TFB2M: variants seen among roughly 807,000 people sequenced by gnomAD.
TFB2M encodes transcription factor B2, mitochondrial.
In TFB2M, 44 loss-of-function variants were observed where a neutral mutation model predicts 41.3. The observed-to-expected ratio is 1.07, with a 90% CI of 0.84 to 1.37. TFB2M has a LOEUF of 1.37. Among genes scored for constraint, TFB2M ranks in the 40% most tolerant of loss-of-function variants. TFB2M has a pLI of 0.00. For missense variants in TFB2M, 496 were observed against 490.2 expected (o/e 1.01, Z -0.11); for synonymous variants, 188 against 176.8 (o/e 1.06, Z -0.50).
intron 7 of TFB2M, 99 bp downstream of exon 7, chr1:246,544,422 C>G (rs1459030047): frequency 9.2e-7 from 1 of 1,087,080 alleles, no homozygotes; most frequent in East Asian, 2.7e-5. Flanking sequence ...AACATGGTAC[C>G]TCACTCTGTC....
chr1:246,546,983 A>ACACAC lies in TFB2M; in HGVS notation c.858+1561_858+1562insGTGTG, dbSNP rs764498048. Reference sequence around the variant, plus strand: ...TGTATATATACACACACACACACACATTTTTTTTTTTTTTTTTTGAGACAA... The same window carrying ACACAC: ...TGTATATATACACACACACACACACACACACTTTTTTTTTTTTTTTTTTGAGACAA... On this transcript the variant is annotated intron_variant, in intron 6 of 7. Coordinates refer to ENST00000366514, the MANE Select transcript of TFB2M (RefSeq NM_022366.3). Among the ~76,000 whole-genome samples the ACACAC allele has an allele frequency of 1.0e-4, 13 of 127,180 alleles. No homozygotes were observed. The South Asian group carries it at 2.7e-3, about 26-fold the overall frequency. 83.4% of individuals were successfully genotyped at this position (127,180 alleles called of 152,430 possible). A position where few individuals can be genotyped will look rare whatever the true frequency, so the allele number is the denominator to read the frequency against.
rs1659668212 is a variant in TFB2M at position 246,566,193 on chromosome 1, A to C, written c.-55T>G. The C allele has an allele frequency of 6.5e-7, 1 of 1,548,148 alleles. No individual in the cohort carries two copies. The highest frequency in any genetic ancestry group is 8.8e-7 in the Non-Finnish European group (1 of 1,138,746). ...TCACCTAGTGCAGCTACTACAGTGA[A>C]CCCCACGCAGGGTATCCCACGTGGA... is the stretch of plus-strand genomic sequence containing the variant. On this transcript the variant is annotated 5_prime_UTR_variant, in exon 1 of 8. Transcript: ENST00000366514.
chr1:246,559,959 C>T (rs1294631769), intron 2 of TFB2M, among the ~76,000 whole-genome samples: 1 of 152,188 alleles, frequency 6.6e-6, no homozygotes, highest in African/African-American at 2.4e-5. Flanking sequence ...CTAATGCATA[C>T]GATTGTCAGT....
intron 4 of TFB2M, among the ~76,000 whole-genome samples, chr1:246,554,514 TGC>T (rs201373352): frequency 6.6e-6 from 1 of 151,958 alleles, no homozygotes; most frequent in Non-Finnish European, 1.5e-5. Context: ...ATCTGGGTTT[TGC>T]AAGGGCCTTA....
intron 2 of TFB2M, 21 bp downstream of exon 2, chr1:246,564,325 G>T (rs753555543): frequency 6.2e-7 from 1 of 1,606,698 alleles, no homozygotes; most frequent in African/African-American, 1.3e-5. Flanking sequence ...AATAACATAC[G>T]TTGAGAAACT....
Position 246,548,622 on chromosome 1 carries a change from CA to C in TFB2M, c.796-16del, listed in dbSNP as rs1267338129. 1 of 1,607,214 alleles carries C rather than the reference CA, an allele frequency of 6.2e-7. No homozygotes were observed. Among genetic ancestry groups the C allele is most frequent in the Non-Finnish European group, 8.5e-7 (1 of 1,177,982 alleles). ...GACCAAGGCTCCTGGGGAAGAAAAA[CA>C]AAGCAAAACAACATCTTTTATTTCT... On this transcript the variant is annotated splice_polypyrimidine_tract_variant and intron_variant, in intron 5 of 7. Coordinates refer to ENST00000366514, the MANE Select transcript of TFB2M (RefSeq NM_022366.3).
At chr1:246,559,890 A>G (rs1030222957) in intron 2 of TFB2M, among the ~76,000 whole-genome samples, 1 of 152,210 alleles carries the variant, frequency 6.6e-6, no homozygotes, top group African/African-American at 2.4e-5. Context: ...TGAGAATACA[A>G]CTAAGGAGGA....
intron 2 of TFB2M, among the ~76,000 whole-genome samples, chr1:246,559,852 G>C (rs1659412288): frequency 6.6e-6 from 1 of 152,202 alleles, no homozygotes. Context: ...TGAAGGTAGA[G>C]TATGTCCAAA....
chr1:246,564,720 C>A (rs949979195), intron 1 of TFB2M, among the ~76,000 whole-genome samples: 1 of 151,424 alleles, frequency 6.6e-6, no homozygotes, highest in Non-Finnish European at 1.5e-5. Flanking sequence ...CACTCTGTCA[C>A]CCAGGCTGGA....
In TFB2M at chr1:246,566,179, A is replaced by C; in HGVS notation, c.-41T>G. On this transcript the variant is annotated 5_prime_UTR_variant, in exon 1 of 8. Transcript: ENST00000366514. ...GCCCGCTCCAAGAATCACCTAGTGCAGCTACTACAGTGAACCCCACGCAGG... is the reference window on the plus strand; with the variant it reads ...GCCCGCTCCAAGAATCACCTAGTGCCGCTACTACAGTGAACCCCACGCAGG... 6.4e-7 allele frequency: 1 copy of C among 1,573,198 alleles called. No homozygotes were observed. Among genetic ancestry groups the C allele is most frequent in the East Asian group, 2.3e-5 (1 of 44,156 alleles).
At chr1:246,555,509 T>A (rs905738876) in intron 4 of TFB2M, among the ~76,000 whole-genome samples, 1 of 151,962 alleles carries the variant, frequency 6.6e-6, no homozygotes, top group African/African-American at 2.4e-5. Context: ...GAGGTCCAGG[T>A]TGCAGAGAGC....
intron 2 of TFB2M, among the ~76,000 whole-genome samples, chr1:246,559,235 T>A (rs777312247): frequency 6.6e-6 from 1 of 152,144 alleles, no homozygotes; most frequent in Non-Finnish European, 1.5e-5. Flanking sequence ...AGGTGTGTGA[T>A]ACCGTGTCCA....
intron 6 of TFB2M, among the ~76,000 whole-genome samples, 155 bp downstream of exon 6, chr1:246,548,390 T>C (rs1659080540): frequency 6.6e-6 from 1 of 152,164 alleles, no homozygotes; most frequent in Admixed American, 6.6e-5. Context: ...CAAAATACTT[T>C]TGATTCATTA....
Position 246,557,382 on chromosome 1 carries a change from T to C in TFB2M, c.555A>G (p.Ala185=). Residue 185 remains alanine (A), a splice_region_variant and synonymous_variant, in exon 3 of 8, where the codon GCA becomes GCG. Coordinates refer to ENST00000366514, the MANE Select transcript of TFB2M (RefSeq NM_022366.3). Reference sequence around the variant, plus strand: ...GCTTTAGTAAATTCCAAAAATGACCTGCTGTCCAAGGAACTGCTTCTATTC... The same window carrying C: ...GCTTTAGTAAATTCCAAAAATGACCCGCTGTCCAAGGAACTGCTTCTATTC... ...NLGIEAVPWT[A]DIPLKVVGMF... is the part of the protein sequence containing the mutation. The C allele has an allele frequency of 1.9e-6, 3 of 1,609,406 alleles. No individual in the cohort carries two copies. Among genetic ancestry groups the C allele is most frequent in the Non-Finnish European group, 2.5e-6 (3 of 1,178,716 alleles).
chr1:246,552,958 A>T (rs1053745317), intron 4 of TFB2M, among the ~76,000 whole-genome samples: 2 of 151,874 alleles, frequency 1.3e-5, no homozygotes, highest in African/African-American at 4.8e-5. Context: ...GCTGTGGCTC[A>T]TACCTGTAAT....
At chr1:246,548,475 G>T in intron 6 of TFB2M, 70 bp downstream of exon 6, 1 of 1,335,986 alleles carries the variant, frequency 7.5e-7, no homozygotes. Flanking sequence ...CTACCAAATA[G>T]TCCTAAAAAA....
chr1:246,541,183 C>T lies in TFB2M; in HGVS notation c.1039G>A (p.Ala347Thr), dbSNP rs757718310. 6.2e-7 allele frequency: 1 copy of T among 1,613,628 alleles called. No homozygotes were observed. The highest frequency in any genetic ancestry group is 1.3e-5 in the African/African-American group (1 of 74,912). The change falls in exon 8 of 8, where the codon GCG becomes ACG. Residue 347 changes from alanine (A) to threonine (T), a missense_variant. By Grantham distance (58) the Ala-to-Thr change is moderately conservative. Transcript: ENST00000366514. Reference protein sequence around the residue: ...DHLRSLTPLDARDILMQIGKQ... With the variant: ...DHLRSLTPLDTRDILMQIGKQ... Reference sequence around the variant, plus strand: ...CCTATTTGCATCAATATATCTCTCGCATCAAGTGGAGTCAATGAACTGCAA... The same window carrying T: ...CCTATTTGCATCAATATATCTCTCGTATCAAGTGGAGTCAATGAACTGCAA...
In TFB2M at chr1:246,557,526, T is replaced by C; in HGVS notation, c.411A>G (p.Gly137=). The part of the protein sequence containing the change: ...KTFIPHLESL[G]KNLDGKLRVI... The stretch of plus-strand genomic sequence containing the variant: ...CTCGTAGTTTTCCATCCAGATTTTT[T>C]CCTAAGGACTAAAGAGAGACAAAGA... Residue 137 remains glycine, a synonymous_variant, in exon 3 of 8, where the codon GGA becomes GGG. Coordinates refer to ENST00000366514, the MANE Select transcript of TFB2M (RefSeq NM_022366.3). 1 of 1,605,404 alleles carries C rather than the reference T, an allele frequency of 6.2e-7. No homozygotes were observed.
chr1:246,542,229 T>C lies in TFB2M; in HGVS notation c.1020-1027A>G, dbSNP rs146532925. Among the ~76,000 whole-genome samples the C allele has an allele frequency of 2.8e-3, 416 of 150,846 alleles. 3 individuals carry two copies. The highest frequency in any genetic ancestry group is 9.7e-3 in the African/African-American group (399 of 41,230). On this transcript the variant is annotated intron_variant, in intron 7 of 7. Coordinates refer to ENST00000366514, the MANE Select transcript of TFB2M (RefSeq NM_022366.3). ...AACGAGGTATAACGAACACGCCTCA[T>C]TATGAGGTATTATATATATAAGGTA... is the stretch of plus-strand genomic sequence containing the variant.
Sources: gnomAD v4.1 joint callset for allele counts (sites outside exome capture counted in the v4.1 genomes callset) on GRCh38, gnomAD v4.1.1 for gene constraint, MANE v1.5 for transcripts, NCBI Gene and HGNC (gene_info 2026-07-23, HGNC 2026-07-21) for gene names.